Variants in CACNB4 observed in about 807,000 individuals in gnomAD.
CACNB4 encodes the protein voltage-dependent L-type calcium channel subunit beta-4.
A neutral mutation model predicts 71.2 loss-of-function variants in CACNB4; 32 were observed. The observed-to-expected ratio is 0.45, with a 90% CI of 0.34 to 0.60. The LOEUF (loss-of-function observed/expected upper bound fraction) is 0.60, where lower values mean the gene tolerates loss of function less well. Ranked by LOEUF, CACNB4 falls within the 20% of genes least tolerant of loss-of-function variation. The pLI is 0.01. For missense variants in CACNB4, 464 were observed against 647.9 expected (o/e 0.72, Z 3.08); for synonymous variants, 231 against 236.9 (o/e 0.97, Z 0.23).
At chr2:152,006,485 C>T (rs1422417018) in intron 2 of CACNB4, among the ~76,000 whole-genome samples, 14 of 151,556 alleles carry the variant, frequency 9.2e-5, no homozygotes, top group Admixed American at 9.2e-4. Flanking sequence ...TCACTGAAAC[C>T]TCCGCCTCCT....
Position 151,978,626 on chromosome 2 carries a change from G to A in CACNB4, c.148-95256C>T, listed in dbSNP as rs1008150558. Among the ~76,000 whole-genome samples, 10 of 152,236 alleles carry A rather than the reference G, an allele frequency of 6.6e-5. No individual in the cohort carries two copies. In the South Asian group the frequency reaches 8.3e-4, roughly 13 times the overall value. ...AAAGCCTTGGTCTAATAAAACGTTC[G>A]GATGGGTACCTGGCACCAACTGTGC... On this transcript the variant is annotated intron_variant, in intron 2 of 13. Transcript: ENST00000539935.
At chr2:152,076,136 C>CTT (rs35400714) in intron 2 of CACNB4, among the ~76,000 whole-genome samples, 1,104 of 71,210 alleles carry the variant, frequency 0.016, 38 homozygotes, top group Middle Eastern at 0.034. Context: ...CACCTCTTTT[C>CTT]TTTTTTTTTT....
intron 2 of CACNB4, among the ~76,000 whole-genome samples, chr2:152,000,331 T>C (rs1682325719): frequency 6.6e-6 from 1 of 152,188 alleles, no homozygotes; most frequent in Admixed American, 6.5e-5. Flanking sequence ...CTCTGCACCA[T>C]CTCTTGTTAG....
intron 2 of CACNB4, among the ~76,000 whole-genome samples, chr2:152,094,866 G>A (rs1281649895): frequency 6.6e-6 from 1 of 152,138 alleles, no homozygotes; most frequent in Non-Finnish European, 1.5e-5. Flanking sequence ...AAAATTCTAT[G>A]GCCTCATTTG....
chr2:151,854,765 A>G (rs2099839852), intron 11 of CACNB4: 1 of 152,496 alleles, frequency 6.6e-6, no homozygotes, highest in Non-Finnish European at 1.5e-5. Flanking sequence ...GTCAGGGTCT[A>G]TAATGCTTCC....
chr2:151,921,622 T>C (rs1336080736), intron 2 of CACNB4, among the ~76,000 whole-genome samples: 1 of 152,212 alleles, frequency 6.6e-6, no homozygotes, highest in Non-Finnish European at 1.5e-5. Context: ...CCACCTCCCT[T>C]GGCTCATAGG....
chr2:151,936,505 G>A (rs187643042), intron 2 of CACNB4: 2 of 152,324 alleles, frequency 1.3e-5, no homozygotes, highest in Admixed American at 6.5e-5. Flanking sequence ...ACAAAGAATA[G>A]TAAAAGGCTG....
intron 9 of CACNB4, among the ~76,000 whole-genome samples, chr2:151,863,965 C>A (rs1373935663): frequency 6.6e-6 from 1 of 152,256 alleles, no homozygotes; most frequent in East Asian, 1.9e-4. Flanking sequence ...TTATTATTAT[C>A]AAAACCAGAC....
At chr2:151,930,075 G>A (rs1279649679) in intron 2 of CACNB4, among the ~76,000 whole-genome samples, 1 of 151,952 alleles carries the variant, frequency 6.6e-6, no homozygotes, top group Non-Finnish European at 1.5e-5. Context: ...TAAGTGAATG[G>A]GAGAACTAAC....
At chr2:152,059,755 G>A (rs1685910569) in intron 2 of CACNB4, among the ~76,000 whole-genome samples, 1 of 152,218 alleles carries the variant, frequency 6.6e-6, no homozygotes, top group Non-Finnish European at 1.5e-5. Flanking sequence ...GTGAGGACAT[G>A]AAATTTGGGA....
chr2:151,953,002 G>A (rs1187532182), intron 2 of CACNB4, among the ~76,000 whole-genome samples: 1 of 152,190 alleles, frequency 6.6e-6, no homozygotes, highest in Non-Finnish European at 1.5e-5. Context: ...AAAGAAGACT[G>A]GGTATATGTT....
At chr2:151,979,785 C>G (rs2099874411) in intron 2 of CACNB4, among the ~76,000 whole-genome samples, 1 of 152,158 alleles carries the variant, frequency 6.6e-6, no homozygotes, top group Non-Finnish European at 1.5e-5. Flanking sequence ...GAAATTGAAC[C>G]AAGGAGATGG....
At chr2:151,870,989 C>T (rs2151410780) in intron 6 of CACNB4, 128 bp from the exon 7 acceptor site, 1 of 671,168 alleles carries the variant, frequency 1.5e-6, no homozygotes. Context: ...CTATCGCCCA[C>T]TTTGGAGAAC....
At chr2:152,049,872 T>C (rs1229556167) in intron 2 of CACNB4, among the ~76,000 whole-genome samples, 1 of 152,276 alleles carries the variant, frequency 6.6e-6, no homozygotes, top group Admixed American at 6.5e-5. Context: ...TAAGACCATG[T>C]TGGTTTGACT....
intron 2 of CACNB4, among the ~76,000 whole-genome samples, chr2:151,938,663 C>T (rs574735380): frequency 1.1e-4 from 16 of 152,220 alleles, no homozygotes; most frequent in African/African-American, 3.6e-4. Context: ...TTTTAAAAAA[C>T]CAATGAGTCA....
At chr2:151,967,651 A>G (rs1324084199) in intron 2 of CACNB4, 1 of 147,128 alleles carries the variant, frequency 6.8e-6, no homozygotes, top group Non-Finnish European at 1.5e-5. Context: ...AGGCATAAGA[A>G]AGGCAAAATA....
chr2:152,059,865 G>C (rs1685917931), intron 2 of CACNB4, among the ~76,000 whole-genome samples: 1 of 152,236 alleles, frequency 6.6e-6, no homozygotes, highest in Non-Finnish European at 1.5e-5. Context: ...AAGGAGGGAG[G>C]TGATTGGATC....
At chr2:151,846,901 G>C (rs893177063) in intron 12 of CACNB4, among the ~76,000 whole-genome samples, 2 of 152,028 alleles carry the variant, frequency 1.3e-5, no homozygotes, top group African/African-American at 4.8e-5. Flanking sequence ...CTAGACAGGG[G>C]ATTAAATGTA....
intron 2 of CACNB4, among the ~76,000 whole-genome samples, chr2:152,075,820 A>G (rs1686977634): frequency 6.6e-6 from 1 of 152,210 alleles, no homozygotes. Flanking sequence ...CCAAAGCATC[A>G]GCCACCAGAA....
Sources: gnomAD v4.1 joint callset for allele counts (sites outside exome capture counted in the v4.1 genomes callset) on GRCh38, gnomAD v4.1.1 for gene constraint, MANE v1.5 for transcripts, NCBI Gene and HGNC (gene_info 2026-07-23, HGNC 2026-07-21) for gene names.